PTPRT: variants seen among roughly 807,000 people sequenced by gnomAD.
PTPRT encodes the protein protein tyrosine phosphatase receptor type T.
Under a neutral mutation model 176.8 loss-of-function variants are expected in PTPRT, and 56 were observed. That is an observed-to-expected ratio of 0.32 (90% CI 0.26 to 0.40). PTPRT has a LOEUF of 0.40. Ranked by LOEUF, PTPRT falls within the 10% of genes least tolerant of loss-of-function variation. The pLI, the probability that PTPRT is intolerant of heterozygous loss-of-function variation, is 1.00. For missense variants in PTPRT, 1,540 were observed against 1,908.2 expected (o/e 0.81, Z 3.60); for synonymous variants, 783 against 739.0 (o/e 1.06, Z -0.96).
chr20:42,978,572 G>T (rs1490943042), intron 1 of PTPRT, among the ~76,000 whole-genome samples: 1 of 152,154 alleles, frequency 6.6e-6, no homozygotes, highest in African/African-American at 2.4e-5. Flanking sequence ...GTAAAATGAG[G>T]CTGAGACCTA....
chr20:42,350,214 GTTTTTTTTTTTTT>G (rs764181357), intron 11 of PTPRT, among the ~76,000 whole-genome samples: 171 of 58,286 alleles, frequency 2.9e-3, no homozygotes, highest in African/African-American at 0.011. Flanking sequence ...GATGTTTCTT[GTTTTTTTTTTTTT>G]TTTTTTTTTT....
intron 1 of PTPRT, among the ~76,000 whole-genome samples, chr20:43,014,073 A>C (rs1475798946): frequency 6.6e-6 from 1 of 152,226 alleles, no homozygotes; most frequent in Admixed American, 6.5e-5. Context: ...CCTTCCGTCA[A>C]GTACTTGGTG....
intron 1 of PTPRT, among the ~76,000 whole-genome samples, chr20:42,897,014 AT>A (rs2079313285): frequency 6.6e-6 from 1 of 152,190 alleles, no homozygotes; most frequent in African/African-American, 2.4e-5. Flanking sequence ...AAGTGCACAA[AT>A]ATGGTAAGAA....
chr20:42,178,153 T>G (rs774810619), intron 16 of PTPRT, among the ~76,000 whole-genome samples: 2 of 152,062 alleles, frequency 1.3e-5, no homozygotes, highest in African/African-American at 4.8e-5. Context: ...GGCCAGGCTG[T>G]TCTCGAACTC....
At chr20:42,234,475 C>A (rs1193876091) in intron 15 of PTPRT, among the ~76,000 whole-genome samples, 2 of 152,200 alleles carry the variant, frequency 1.3e-5, no homozygotes, top group Non-Finnish European at 2.9e-5. Context: ...TTTGCAGATG[C>A]AGTTTCCTCT....
intron 1 of PTPRT, among the ~76,000 whole-genome samples, chr20:43,160,666 T>A (rs1217169713): frequency 6.6e-6 from 1 of 152,168 alleles, no homozygotes; most frequent in Non-Finnish European, 1.5e-5. Context: ...CTTGAAAGAA[T>A]ATTTTTTTTT....
chr20:42,838,005 C>T (rs73271741), intron 2 of PTPRT, among the ~76,000 whole-genome samples: 3,489 of 152,206 alleles, frequency 0.023, 126 homozygotes, highest in African/African-American at 0.078. Context: ...CTTTGGAGTA[C>T]CAGGCCCTCA....
intron 7 of PTPRT, among the ~76,000 whole-genome samples, chr20:42,675,512 T>A (rs1253997096): frequency 6.6e-6 from 1 of 152,238 alleles, no homozygotes; most frequent in African/African-American, 2.4e-5. Context: ...CGTGGACAAC[T>A]CTGTGCTTGT....
chr20:42,085,960 T>A, intron 27 of PTPRT, 107 bp from the exon 28 acceptor site: 1 of 1,327,960 alleles, frequency 7.5e-7, no homozygotes, highest in East Asian at 2.5e-5. Flanking sequence ...TTCTTTTTTT[T>A]TTTTGAGATG....
intron 7 of PTPRT, among the ~76,000 whole-genome samples, chr20:42,480,728 G>A (rs1244650290): frequency 1.3e-5 from 2 of 152,088 alleles, no homozygotes; most frequent in African/African-American, 4.8e-5. Context: ...TGATGATGAC[G>A]CATGCACAAC....
At chr20:42,364,519 A>G (rs1249273600) in intron 9 of PTPRT, among the ~76,000 whole-genome samples, 5 of 151,402 alleles carry the variant, frequency 3.3e-5, no homozygotes, top group African/African-American at 1.2e-4. Context: ...AGAGATGAAC[A>G]TTTTTTTTTC....
intron 7 of PTPRT, among the ~76,000 whole-genome samples, chr20:42,579,100 T>C (rs1021273982): frequency 1.5e-5 from 2 of 130,096 alleles, no homozygotes; most frequent in Non-Finnish European, 3.1e-5. Flanking sequence ...GATGTTCCCC[T>C]TCCTGTGTCC....
At chr20:42,571,965 C>T (rs571893481) in intron 7 of PTPRT, among the ~76,000 whole-genome samples, 4 of 152,276 alleles carry the variant, frequency 2.6e-5, no homozygotes, top group South Asian at 4.1e-4. Context: ...CTCCTGTATT[C>T]GTTTGAGCTG....
At chr20:42,770,363 A>T (rs2077044767) in intron 5 of PTPRT, among the ~76,000 whole-genome samples, 1 of 152,230 alleles carries the variant, frequency 6.6e-6, no homozygotes, top group Admixed American at 6.5e-5. Flanking sequence ...TGCACTGAAC[A>T]GCATGGCTCC....
rs543054103 is a variant in PTPRT at position 42,084,566 on chromosome 20, T to A, written c.4136+116A>T. 3.3e-6 allele frequency: 3 copies of A among 906,414 alleles called. 1 individual carries two copies. In the South Asian group the frequency reaches 1.7e-4, roughly 51 times the overall value. The allele number at this position is 906,414 out of a possible 1,614,324, so 56.1% of individuals were successfully genotyped here. The stretch of plus-strand genomic sequence containing the variant: ...TACTGCCACTAGCCTTTGAGGGATG[T>A]TGAGTTGTGGTATAGCCAGGCCTGC... On this transcript the variant is annotated intron_variant, in intron 29 of 30. Coordinates refer to ENST00000373187, the MANE Select transcript of PTPRT (RefSeq NM_007050.6).
At chr20:42,091,040 C>T (rs932486628) in intron 27 of PTPRT, among the ~76,000 whole-genome samples, 4 of 152,056 alleles carry the variant, frequency 2.6e-5, no homozygotes, top group Non-Finnish European at 4.4e-5. Flanking sequence ...CAGGTAGTGG[C>T]GATGAACACA....
intron 18 of PTPRT, among the ~76,000 whole-genome samples, chr20:42,139,094 T>C (rs1482347375): frequency 6.6e-6 from 1 of 152,224 alleles, no homozygotes; most frequent in Non-Finnish European, 1.5e-5. Context: ...TTTTTACATA[T>C]CCCATTTCAA....
rs139392928 is a variant in PTPRT, at chr20:42,131,981, G to A, written c.2771-3151C>T. 6.9e-3 allele frequency among the ~76,000 whole-genome samples: 1,046 copies of A among 152,286 alleles called. 16 individuals are homozygous for A. Among genetic ancestry groups the A allele is most frequent in the African/African-American group, 0.024 (985 of 41,548 alleles). On this transcript the variant is annotated intron_variant, in intron 18 of 30. Transcript: ENST00000373187. Reference sequence around the variant, plus strand: ...GAAAACAGAGTGTGAGGGGAACAGCGATGGGAGGGGAGACAGAGGAGGCAG... The same window carrying A: ...GAAAACAGAGTGTGAGGGGAACAGCAATGGGAGGGGAGACAGAGGAGGCAG...
At chr20:42,305,029 C>A (rs1281074462) in intron 12 of PTPRT, among the ~76,000 whole-genome samples, 1 of 152,156 alleles carries the variant, frequency 6.6e-6, no homozygotes, top group East Asian at 1.9e-4. Context: ...ACTCTTTATT[C>A]CACTATAAGA....
Sources: allele counts gnomAD v4.1 joint callset (sites outside exome capture counted in the v4.1 genomes callset), GRCh38; gene constraint gnomAD v4.1.1; transcripts MANE v1.5; gene names NCBI Gene and HGNC (gene_info 2026-07-23, HGNC 2026-07-21).